The following CAST variants were observed in gnomAD, a reference collection of about 807,000 sequenced individuals.
CAST encodes MIR583 host.
Under a neutral mutation model 119.6 loss-of-function variants are expected in CAST, and 76 were observed. The ratio of observed to expected loss-of-function variants is 0.64; its 90% CI spans 0.53 to 0.77. The LOEUF (loss-of-function observed/expected upper bound fraction) is 0.77. Ranked by LOEUF, CAST falls within the 30% of genes least tolerant of loss-of-function variation. The pLI, the probability that CAST is intolerant of heterozygous loss-of-function variation, is 0.00. For synonymous variants in CAST, 319 were observed against 331.6 expected (o/e 0.96, Z 0.41); for missense variants, 953 against 946.5 (o/e 1.01, Z -0.09).
chr5:96,675,468 C>A, intron 1 of CAST, 71 bp from the exon 2 acceptor site: 1 of 1,090,396 alleles, frequency 9.2e-7, no homozygotes, highest in Non-Finnish European at 1.4e-6. Context: ...TGCATTTAGC[C>A]TTTGGGGATT....
chr5:96,168,848 A>T, the CAST span, among the ~76,000 whole-genome samples: 105 of 152,278 alleles, frequency 6.9e-4, no homozygotes, highest in South Asian at 6.0e-3. Context: ...TGGGAAGCAA[A>T]AAGTATATGT....
the CAST span, among the ~76,000 whole-genome samples, chr5:96,061,898 T>TG: frequency 1.3e-5 from 2 of 152,162 alleles, no homozygotes; most frequent in South Asian, 4.1e-4. Context: ...GCACCATGAA[T>TG]GTCTAACCGA....
At chr5:95,989,292 T>A in the CAST span, among the ~76,000 whole-genome samples, 2 of 152,216 alleles carry the variant, frequency 1.3e-5, no homozygotes, top group East Asian at 1.9e-4. Context: ...ATTATTTTTT[T>A]AAATCTGAGA....
At chr5:96,670,149 A>G (rs953609235) in intron 1 of CAST, among the ~76,000 whole-genome samples, 1 of 152,112 alleles carries the variant, frequency 6.6e-6, no homozygotes, top group Non-Finnish European at 1.5e-5. Context: ...TTATTGCTCC[A>G]TGATTTTTCC....
intron 1 of CAST, among the ~76,000 whole-genome samples, chr5:96,586,052 A>C (rs1663215907): frequency 6.6e-6 from 1 of 152,208 alleles, no homozygotes; most frequent in Admixed American, 6.5e-5. Flanking sequence ...CTAGGCACTT[A>C]CATATATTGT....
Position 96,662,399 on chromosome 5 carries a change from G to A in CAST, c.-24G>A, listed in dbSNP as rs1748654660. On this transcript the variant is annotated 5_prime_UTR_variant, in exon 1 of 32. Transcript: ENST00000675179. ...CCACTCTCCGCGGCGCATTCCGGGA[G>A]GCAGCGGCCGCAGCGGCCTCGCCAT... The A allele has an allele frequency of 5.7e-6, 8 of 1,392,346 alleles. No homozygotes were observed. Among genetic ancestry groups the A allele is most frequent in the Non-Finnish European group, 7.4e-6 (8 of 1,078,520 alleles). 86.2% of individuals were successfully genotyped at this position (1,392,346 alleles called of 1,614,324 possible). A position where few individuals can be genotyped will look rare whatever the true frequency, so the allele number is the denominator to read the frequency against.
At chr5:96,423,413 A>C in the CAST span, 1 of 1,614,036 alleles carries the variant, frequency 6.2e-7, no homozygotes, top group Non-Finnish European at 8.5e-7. Context: ...AACAGGTATC[A>C]CATGAAGGTC....
At chr5:96,397,432 A>T in the CAST span, 1 of 1,612,826 alleles carries the variant, frequency 6.2e-7, no homozygotes, top group Non-Finnish European at 8.5e-7. Context: ...TAGGAGATGT[A>T]TCCCGTTCTC....
chr5:96,597,978 A>C (rs1747084067), intron 1 of CAST, among the ~76,000 whole-genome samples: 1 of 152,152 alleles, frequency 6.6e-6, no homozygotes, highest in Admixed American at 6.5e-5. Context: ...GGGGGCTGGC[A>C]GTAGTGAAGT....
chr5:96,223,309 A>C, the CAST span, among the ~76,000 whole-genome samples: 1 of 152,202 alleles, frequency 6.6e-6, no homozygotes. Context: ...TTAAATATTC[A>C]AGGTGATGTA....
intron 1 of CAST, among the ~76,000 whole-genome samples, chr5:96,620,027 A>G (rs1459041608): frequency 6.6e-6 from 1 of 152,200 alleles, no homozygotes; most frequent in Non-Finnish European, 1.5e-5. Flanking sequence ...TACATTAGAG[A>G]CAATGCATGT....
chr5:96,432,064 C>A, the CAST span: 1 of 1,517,878 alleles, frequency 6.6e-7, no homozygotes, highest in Non-Finnish European at 8.8e-7. Flanking sequence ...CTGAAATTCC[C>A]GGGAAAACGA....
the CAST span, among the ~76,000 whole-genome samples, chr5:96,476,601 G>A: frequency 1.3e-5 from 2 of 152,178 alleles, no homozygotes; most frequent in African/African-American, 4.8e-5. Flanking sequence ...AATGTAAGCT[G>A]CAAGGAAAAT....
At chr5:96,666,545 G>A (rs1749364378) in intron 1 of CAST, among the ~76,000 whole-genome samples, 1 of 152,218 alleles carries the variant, frequency 6.6e-6, no homozygotes, top group South Asian at 2.1e-4. Flanking sequence ...TGGCAGGACA[G>A]ATCACTTGCT....
chr5:96,224,430 T>C, the CAST span, among the ~76,000 whole-genome samples: 11 of 152,164 alleles, frequency 7.2e-5, no homozygotes, highest in Admixed American at 2.6e-4. Flanking sequence ...TTGGGGAGAC[T>C]ATTCTGTTGA....
At chr5:96,183,055 C>T in the CAST span, among the ~76,000 whole-genome samples, 1,114 of 151,916 alleles carry the variant, frequency 7.3e-3, 18 homozygotes, top group African/African-American at 0.026. Context: ...AGGAGAATGG[C>T]GTGAACCCGG....
chr5:96,729,119 A>C (rs768572097), intron 6 of CAST, 34 bp from the exon 7 acceptor site: 2 of 1,269,730 alleles, frequency 1.6e-6, no homozygotes, highest in Non-Finnish European at 2.3e-6. Context: ...GTTGGATTCC[A>C]GTGTAATCAA....
chr5:96,092,689 A>T, the CAST span, among the ~76,000 whole-genome samples: 1 of 152,208 alleles, frequency 6.6e-6, no homozygotes, highest in Non-Finnish European at 1.5e-5. Flanking sequence ...AACTTTCCTA[A>T]CTAATATTGT....
At chr5:96,001,083 C>A in the CAST span, among the ~76,000 whole-genome samples, 1 of 152,122 alleles carries the variant, frequency 6.6e-6, no homozygotes, top group Non-Finnish European at 1.5e-5. Context: ...AATTCTTAAA[C>A]CCTCAGTTTG....
Sources: allele counts gnomAD v4.1 joint callset (sites outside exome capture counted in the v4.1 genomes callset), GRCh38; gene constraint gnomAD v4.1.1; transcripts MANE v1.5; gene names NCBI Gene and HGNC (gene_info 2026-07-23, HGNC 2026-07-21).